The following ZMAT4 variants were observed in gnomAD, a reference collection of about 807,000 sequenced individuals.
The protein encoded by ZMAT4 is zinc finger matrin-type 4.
A neutral mutation model predicts 28.7 loss-of-function variants in ZMAT4; 17 were observed. The observed-to-expected ratio is 0.59, with a 90% CI of 0.41 to 0.89. The LOEUF (loss-of-function observed/expected upper bound fraction) is 0.89, where lower values mean the gene tolerates loss of function less well. Among genes scored for constraint, ZMAT4 ranks in the 40% least tolerant of loss-of-function variants. The probability of loss-of-function intolerance (pLI) is 0.00; values close to 1 mark genes in which losing one functional copy is unlikely to be tolerated. For synonymous variants in ZMAT4, 117 were observed against 109.2 expected, an observed-to-expected ratio of 1.07 and a Z score of -0.44; for missense variants, 240 against 283.8, an observed-to-expected ratio of 0.85 and a Z score of 1.11.
intron 5 of ZMAT4, among the ~76,000 whole-genome samples, chr8:40,583,076 A>G (rs957595836): frequency 2.0e-5 from 3 of 152,184 alleles, no homozygotes; most frequent in Non-Finnish European, 4.4e-5. Context: ...AGAGAGCTAT[A>G]TTGTACCGTG....
At chr8:40,692,068 G>A (rs769704315) in intron 4 of ZMAT4, among the ~76,000 whole-genome samples, 10 of 152,140 alleles carry the variant, frequency 6.6e-5, no homozygotes, top group Non-Finnish European at 1.0e-4. Context: ...ACACTTAACT[G>A]CCTATTATTA....
chr8:40,569,768 T>C (rs551159623), intron 6 of ZMAT4, among the ~76,000 whole-genome samples: 127 of 152,322 alleles, frequency 8.3e-4, no homozygotes, highest in African/African-American at 2.8e-3. Flanking sequence ...CTCCACAATG[T>C]TGTTCTTTGT....
At chr8:40,839,391 A>C (rs2150625113) in intron 1 of ZMAT4, among the ~76,000 whole-genome samples, 1 of 152,342 alleles carries the variant, frequency 6.6e-6, no homozygotes, top group East Asian at 1.9e-4. Context: ...GTGAGACGTG[A>C]AGATGTTAAG....
chr8:40,700,702 G>C (rs1231690844), intron 3 of ZMAT4, among the ~76,000 whole-genome samples: 1 of 152,104 alleles, frequency 6.6e-6, no homozygotes, highest in African/African-American at 2.4e-5. Context: ...GGGATTGTAG[G>C]AGTGAGCCAC....
At chr8:40,897,078 C>T (rs1465779082) in intron 1 of ZMAT4, among the ~76,000 whole-genome samples, 1 of 151,276 alleles carries the variant, frequency 6.6e-6, no homozygotes, top group African/African-American at 2.4e-5. Flanking sequence ...GTTTTGCTGG[C>T]GTGTCACCAA....
At chr8:40,623,266 A>G (rs193296931) in intron 5 of ZMAT4, among the ~76,000 whole-genome samples, 16 of 152,310 alleles carry the variant, frequency 1.1e-4, no homozygotes, top group African/African-American at 3.6e-4. Context: ...GCTTCATGGC[A>G]GGCACTAGGA....
intron 5 of ZMAT4, among the ~76,000 whole-genome samples, chr8:40,583,785 G>A (rs559791081): frequency 4.7e-4 from 71 of 152,196 alleles, no homozygotes; most frequent in African/African-American, 1.6e-3. Flanking sequence ...AACTTGAGGC[G>A]GGGACTTCCA....
chr8:40,769,698 G>A (rs1474746819), intron 2 of ZMAT4, among the ~76,000 whole-genome samples: 3 of 151,870 alleles, frequency 2.0e-5, no homozygotes, highest in Non-Finnish European at 4.4e-5. Flanking sequence ...CACATTCCCT[G>A]CATTATCAAT....
intron 5 of ZMAT4, among the ~76,000 whole-genome samples, chr8:40,589,813 CTTTT>C (rs138443120): frequency 2.1e-5 from 3 of 143,234 alleles, no homozygotes; most frequent in Admixed American, 7.1e-5. Flanking sequence ...TCTTTCCTTT[CTTTT>C]TTATTTCCTT....
chr8:40,807,441 C>T (rs1815134728), intron 2 of ZMAT4, among the ~76,000 whole-genome samples: 1 of 152,098 alleles, frequency 6.6e-6, no homozygotes, highest in Admixed American at 6.5e-5. Flanking sequence ...GAGACTCTGT[C>T]TCAAACAAAA....
At chr8:40,699,816 G>T (rs946318680) in intron 3 of ZMAT4, among the ~76,000 whole-genome samples, 2 of 152,204 alleles carry the variant, frequency 1.3e-5, no homozygotes, top group African/African-American at 4.8e-5. Context: ...CTCAGTCTTA[G>T]AATCTGTGTA....
intron 3 of ZMAT4, among the ~76,000 whole-genome samples, chr8:40,742,673 T>G (rs1445167960): frequency 1.3e-5 from 2 of 151,994 alleles, no homozygotes; most frequent in African/African-American, 4.8e-5. Context: ...TCTTGAAGAA[T>G]CTATTTCAGT....
intron 4 of ZMAT4, among the ~76,000 whole-genome samples, chr8:40,678,402 A>G (rs1034059229): frequency 6.6e-6 from 1 of 152,204 alleles, no homozygotes; most frequent in Non-Finnish European, 1.5e-5. Context: ...AAGAAACTCA[A>G]GAGAACATTA....
intron 3 of ZMAT4, among the ~76,000 whole-genome samples, chr8:40,738,199 T>C (rs1349603671): frequency 1.3e-5 from 2 of 152,152 alleles, no homozygotes; most frequent in African/African-American, 4.8e-5. Flanking sequence ...AACAAAGGAA[T>C]AAGAGTCGAA....
rs927970692 is a variant in ZMAT4, at chr8:40,698,384, C to A, written c.193-983G>T. ...TATACTTATGAAGGGAAGGAGTAAT[C>A]CATTGCTTCCCCTCCTGCTTAGTTA... On this transcript the variant is annotated intron_variant, in intron 3 of 6. Coordinates refer to ENST00000297737, the MANE Select transcript of ZMAT4 (RefSeq NM_024645.3). 3.3e-5 allele frequency among the ~76,000 whole-genome samples: 5 copies of A among 152,302 alleles called. No individual in the cohort carries two copies. In the East Asian group the frequency reaches 7.7e-4, roughly 24 times the overall value.
At chr8:40,605,422 T>A (rs1416434493) in intron 5 of ZMAT4, among the ~76,000 whole-genome samples, 1 of 152,254 alleles carries the variant, frequency 6.6e-6, no homozygotes, top group Non-Finnish European at 1.5e-5. Flanking sequence ...ATTTTTATCT[T>A]GATTTCATTG....
At chr8:40,664,830 T>A (rs183230516) in intron 5 of ZMAT4, among the ~76,000 whole-genome samples, 26 of 152,364 alleles carry the variant, frequency 1.7e-4, no homozygotes, top group Middle Eastern at 6.8e-3. Flanking sequence ...TTACCTAGAA[T>A]GTCTTTCCTT....
intron 5 of ZMAT4, among the ~76,000 whole-genome samples, chr8:40,584,971 C>T (rs533693074): frequency 2.0e-5 from 3 of 152,250 alleles, no homozygotes; most frequent in Admixed American, 1.3e-4. Flanking sequence ...CCAATGAGTC[C>T]TGCTCCCTGA....
intron 3 of ZMAT4, among the ~76,000 whole-genome samples, chr8:40,754,607 G>T (rs1331387292): frequency 6.6e-6 from 1 of 152,016 alleles, no homozygotes; most frequent in South Asian, 2.1e-4. Context: ...TATTCCACCT[G>T]GGGGTATAGT....
Sources: gnomAD v4.1 joint callset for allele counts (sites outside exome capture counted in the v4.1 genomes callset) on GRCh38, gnomAD v4.1.1 for gene constraint, MANE v1.5 for transcripts, NCBI Gene and HGNC (gene_info 2026-07-23, HGNC 2026-07-21) for gene names.